Variants in SAMMSON observed in about 807,000 individuals in gnomAD.
SAMMSON encodes the protein survival associated mitochondrial melanoma specific oncogenic non-coding RNA, also known as long intergenic non-protein coding RNA 1212.
chr3:70,007,947 G>A (rs530591851), intron 1 of SAMMSON, among the ~76,000 whole-genome samples: 1 of 152,214 alleles, frequency 6.6e-6, no homozygotes, highest in African/African-American at 2.4e-5. Flanking sequence ...TCAAAGATCA[G>A]ATGGTTGTAG....
chr3:70,182,310 G>T (rs983415609), intron 4 of SAMMSON, among the ~76,000 whole-genome samples: 1 of 152,134 alleles, frequency 6.6e-6, no homozygotes, highest in South Asian at 2.1e-4. Flanking sequence ...CACAGACGTC[G>T]TTTTCCACTC....
chr3:70,404,442 G>A (rs2106764776), intron 2 of SAMMSON, among the ~76,000 whole-genome samples: 1 of 152,188 alleles, frequency 6.6e-6, no homozygotes, highest in Admixed American at 6.5e-5. Flanking sequence ...ATACCCGGTA[G>A]ACACAGAAGA....
At chr3:70,374,459 T>C (rs2106747806) in intron 9 of SAMMSON, among the ~76,000 whole-genome samples, 1 of 152,294 alleles carries the variant, frequency 6.6e-6, no homozygotes, top group Admixed American at 6.5e-5. Context: ...TCGTTATTGC[T>C]AGGTGGGGAT....
chr3:70,179,009 A>C (rs1462126068), intron 4 of SAMMSON, among the ~76,000 whole-genome samples: 1 of 152,164 alleles, frequency 6.6e-6, no homozygotes, highest in Non-Finnish European at 1.5e-5. Flanking sequence ...TCAAAATAAT[A>C]GTAATAATAA....
chr3:70,153,865 T>C (rs2067581394), intron 4 of SAMMSON, among the ~76,000 whole-genome samples: 1 of 151,942 alleles, frequency 6.6e-6, no homozygotes, highest in African/African-American at 2.4e-5. Flanking sequence ...ATAACTCCCC[T>C]TTCCCCCAAA....
chr3:70,310,233 A>G (rs1304954252), intron 7 of SAMMSON, among the ~76,000 whole-genome samples: 6 of 152,136 alleles, frequency 3.9e-5, no homozygotes, highest in African/African-American at 1.4e-4. Flanking sequence ...GTCTGCATCA[A>G]CTTTAGTCCT....
At chr3:70,115,692 A>C (rs963093010) in intron 4 of SAMMSON, among the ~76,000 whole-genome samples, 27 of 152,192 alleles carry the variant, frequency 1.8e-4, no homozygotes, top group Admixed American at 1.6e-3. Flanking sequence ...TCTCCCCTCT[A>C]TTCTATGAGT....
In SAMMSON at chr3:70,274,253, A is replaced by G. The variant is rs552789138; in HGVS notation, n.675-16926A>G. Among the ~76,000 whole-genome samples, 16 of 152,232 alleles carry G rather than the reference A, an allele frequency of 1.1e-4. No individual in the cohort carries two copies. In the South Asian group the frequency reaches 2.3e-3, roughly 22 times the overall value. On this transcript the variant is annotated intron_variant and non_coding_transcript_variant, in intron 6 of 9. Transcript: ENST00000642114. The stretch of plus-strand genomic sequence containing the variant: ...TGTTTTAATACTCTCAGTTAGTTCA[A>G]CCAGGCAACTCAAATTTTAATATTT...
At chr3:70,402,571 T>C (rs776109684) in intron 2 of SAMMSON, among the ~76,000 whole-genome samples, 3 of 152,172 alleles carry the variant, frequency 2.0e-5, no homozygotes, top group Non-Finnish European at 2.9e-5. Flanking sequence ...TTCAAAATTA[T>C]AAATCATGGG....
At chr3:70,004,531 G>T (rs1052603546) in intron 1 of SAMMSON, among the ~76,000 whole-genome samples, 8 of 152,014 alleles carry the variant, frequency 5.3e-5, no homozygotes, top group Non-Finnish European at 8.8e-5. Flanking sequence ...CTAACACCTA[G>T]GATTTCTTAC....
At chr3:70,194,615 G>A (rs1359459559) in intron 4 of SAMMSON, among the ~76,000 whole-genome samples, 1 of 152,272 alleles carries the variant, frequency 6.6e-6, no homozygotes, top group South Asian at 2.1e-4. Context: ...GGAAAGCAAG[G>A]CCACAGAAAG....
At chr3:70,252,517 G>A (rs972150217) in intron 6 of SAMMSON, among the ~76,000 whole-genome samples, 1 of 152,106 alleles carries the variant, frequency 6.6e-6, no homozygotes, top group Non-Finnish European at 1.5e-5. Flanking sequence ...GTGATTCAAG[G>A]TTACAATTGC....
At chr3:70,384,521 G>T (rs538442753) in intron 9 of SAMMSON, among the ~76,000 whole-genome samples, 2 of 151,892 alleles carry the variant, frequency 1.3e-5, no homozygotes, top group Non-Finnish European at 2.9e-5. Context: ...GCTCTCCTCC[G>T]GACATAAAAC....
intron 1 of SAMMSON, among the ~76,000 whole-genome samples, chr3:70,008,152 C>T (rs1207064758): frequency 6.6e-6 from 1 of 152,022 alleles, no homozygotes; most frequent in Admixed American, 6.6e-5. Context: ...TCCATATGAA[C>T]TTTAAAGTAG....
chr3:70,198,375 C>T (rs775634723), intron 4 of SAMMSON, among the ~76,000 whole-genome samples: 4 of 152,078 alleles, frequency 2.6e-5, no homozygotes, highest in Middle Eastern at 3.2e-3. Context: ...TATAAGTGCT[C>T]TTATCGCCGT....
intron 7 of SAMMSON, among the ~76,000 whole-genome samples, chr3:70,349,664 G>T (rs760932769): frequency 6.6e-6 from 1 of 152,096 alleles, no homozygotes; most frequent in Non-Finnish European, 1.5e-5. Flanking sequence ...GATGAAGGTC[G>T]GGTTGGGAAA....
intron 3 of SAMMSON, among the ~76,000 whole-genome samples, chr3:70,045,323 C>T (rs199922211): frequency 6.7e-6 from 1 of 149,260 alleles, no homozygotes; most frequent in African/African-American, 2.5e-5. Flanking sequence ...AAAGAATCAC[C>T]CATCGAAACA....
intron 7 of SAMMSON, among the ~76,000 whole-genome samples, chr3:70,326,638 T>TTA (rs528305834): frequency 7.4e-4 from 112 of 152,270 alleles, no homozygotes; most frequent in African/African-American, 2.5e-3. Context: ...ACGAGAGTTT[T>TTA]TATCCTTCCA....
intron 2 of SAMMSON, among the ~76,000 whole-genome samples, chr3:70,425,604 G>A (rs1357513468): frequency 1.3e-5 from 2 of 151,366 alleles, no homozygotes; most frequent in Admixed American, 6.6e-5. Flanking sequence ...TAGTAGAGAC[G>A]GGGTTTCACC....
Sources: allele counts gnomAD v4.1 joint callset (sites outside exome capture counted in the v4.1 genomes callset), GRCh38; gene constraint gnomAD v4.1.1; transcripts MANE v1.5; gene names NCBI Gene and HGNC (gene_info 2026-07-23, HGNC 2026-07-21).